Variants in ZCCHC2 observed in about 807,000 individuals in gnomAD.
ZCCHC2 encodes the protein zinc finger CCHC-type containing 2.
ZCCHC2 carries 39 observed loss-of-function variants against 103.6 expected under a neutral mutation model. The ratio of observed to expected loss-of-function variants is 0.38; its 90% CI spans 0.29 to 0.49. The LOEUF is 0.49. Ranked by LOEUF, ZCCHC2 falls within the 20% of genes least tolerant of loss-of-function variation. ZCCHC2 has a pLI of 0.96. For synonymous variants in ZCCHC2, 687 were observed against 608.9 expected (o/e 1.13, Z -1.89); for missense variants, 1,483 against 1,491.0 (o/e 0.99, Z 0.09).
At chr18:62,570,267 C>G (rs758344606) in intron 12 of ZCCHC2, 36 bp downstream of exon 12, 1 of 1,603,884 alleles carries the variant, frequency 6.2e-7, no homozygotes, top group Admixed American at 1.7e-5. Flanking sequence ...GTTGGCATGG[C>G]AGGGGTGGGG....
chr18:62,542,775 A>G lies in ZCCHC2; in HGVS notation c.1128+201A>G, dbSNP rs148097869. ...ACATCACATTAAAATAACCCTGGCT[A>G]TTTTATTAAAAAGAAGTAAGAGCCT... On this transcript the variant is annotated intron_variant, in intron 3 of 13. Coordinates refer to ENST00000269499, the MANE Select transcript of ZCCHC2 (RefSeq NM_017742.6). Among the ~76,000 whole-genome samples, 132 of 152,318 alleles carry G rather than the reference A, an allele frequency of 8.7e-4. 1 individual carries two copies. The highest frequency in any genetic ancestry group is 3.0e-3 in the African/African-American group (126 of 41,576).
chr18:62,576,820 G>C lies in ZCCHC2; in HGVS notation c.*241G>C. ...ATGATACATGTAATTTAAACCTTCA[G>C]ACAAACTTAAATGTTGGTGCGTGCT... On this transcript the variant is annotated 3_prime_UTR_variant, in exon 14 of 14. Transcript: ENST00000269499. The C allele has an allele frequency of 3.0e-6, 1 of 337,046 alleles. No homozygotes were observed. The highest frequency in any genetic ancestry group is 5.4e-6 in the Non-Finnish European group (1 of 185,322). The allele number at this position is 337,046 out of a possible 1,614,324, so 20.9% of individuals were successfully genotyped here. A position where few individuals can be genotyped will look rare whatever the true frequency, so the allele number is the denominator to read the frequency against.
At chr18:62,524,653 G>C in intron 1 of ZCCHC2, 1 of 413,280 alleles carries the variant, frequency 2.4e-6, no homozygotes, top group Non-Finnish European at 4.2e-6. Flanking sequence ...GGAGCTCCCC[G>C]CCCGGGGCCC....
In ZCCHC2 at chr18:62,575,287, A is replaced by G. The variant is rs757764197; in HGVS notation, c.3206A>G (p.Asn1069Ser). The change falls in exon 13 of 14, where the codon AAC becomes AGC. Residue 1069 changes from asparagine to serine, a missense_variant. Asn to Ser is a conservative substitution (Grantham distance 46). Coordinates refer to ENST00000269499, the MANE Select transcript of ZCCHC2 (RefSeq NM_017742.6). ...AACCAAGCACATCAGAGCAATGGAA[A>G]CCAACTTCCTTTTTTTCTGCCTCAG... Reference protein sequence around the residue: ...YLNQAHQSNGNQLPFFLPQTP... With the variant: ...YLNQAHQSNGSQLPFFLPQTP... 2.5e-6 allele frequency: 4 copies of G among 1,614,008 alleles called. No homozygotes were observed. In the South Asian group the frequency reaches 4.4e-5, roughly 18 times the overall value.
rs1916749984 is a variant in ZCCHC2, at chr18:62,574,816, C to G, written c.2735C>G (p.Pro912Arg). Residue 912 changes from proline to arginine, a missense_variant, in exon 13 of 14, where the codon CCA (proline) becomes CGA (arginine). Transcript: ENST00000269499. ...GCAGCTGGCCTCTCAGCTGCTCAGC[C>G]ACCAGCTTCCTACCCCTTACCAGGC... ...LPAAGLSAAQ[P>R]PASYPLPGSP... 6.2e-7 allele frequency: 1 copy of G among 1,613,838 alleles called. No homozygotes were observed. Among genetic ancestry groups the G allele is most frequent in the African/African-American group, 1.3e-5 (1 of 74,896 alleles).
At chr18:62,539,512 C>T in intron 1 of ZCCHC2, 169 bp from the exon 2 acceptor site, 1 of 517,776 alleles carries the variant, frequency 1.9e-6, no homozygotes, top group South Asian at 2.2e-5. Flanking sequence ...TGCTCATCTT[C>T]TGCTTGCGGC....
Position 62,575,345 on chromosome 18 carries a change from A to G in ZCCHC2, c.3264A>G (p.Pro1088=). Residue 1088 remains proline, a synonymous_variant, in exon 13 of 14, where the codon CCA becomes CCG. Transcript: ENST00000269499. The part of the protein sequence containing the change: ...TPYANGLVHD[P]VMGSQANYGM... ...ATGCAAATGGACTGGTACATGACCCAGTCATGGGGAGCCAAGCCAACTATG... is the reference window on the plus strand; with the variant it reads ...ATGCAAATGGACTGGTACATGACCCGGTCATGGGGAGCCAAGCCAACTATG... 2 of 1,613,992 alleles carry G rather than the reference A, an allele frequency of 1.2e-6. No individual in the cohort carries two copies. The highest frequency in any genetic ancestry group is 1.7e-6 in the Non-Finnish European group (2 of 1,179,872).
At chr18:62,566,504 T>G (rs1460171066) in intron 11 of ZCCHC2, among the ~76,000 whole-genome samples, 1 of 152,208 alleles carries the variant, frequency 6.6e-6, no homozygotes, top group Non-Finnish European at 1.5e-5. Context: ...CTGTTCCTTC[T>G]CTTTCTAGTT....
Position 62,523,355 on chromosome 18 carries a change from C to CG in ZCCHC2, c.-68dup. ...GCTCCTGACGGCCGCGCCGCCGCCT[C>CG]GGCCCGTGCTCCACCTCGCGGCCCC... On this transcript the variant is annotated 5_prime_UTR_variant, in exon 1 of 14. Transcript: ENST00000269499. 1.0e-6 allele frequency: 1 copy of CG among 996,980 alleles called. No homozygotes were observed. The highest frequency in any genetic ancestry group is 1.2e-6 in the Non-Finnish European group (1 of 838,632). The allele number at this position is 996,980 out of a possible 1,614,324, so 61.8% of individuals were successfully genotyped here. A position where few individuals can be genotyped will look rare whatever the true frequency, so the allele number is the denominator to read the frequency against.
chr18:62,578,908 C>T (rs1222100915), downstream of ZCCHC2, among the ~76,000 whole-genome samples: 4 of 152,114 alleles, frequency 2.6e-5, no homozygotes, highest in African/African-American at 9.7e-5. Flanking sequence ...GCTGGGATTA[C>T]AGGTATGTAC....
At position 62,575,291 on chromosome 18, in the gene ZCCHC2, A is replaced by C; in HGVS notation, c.3210A>C (p.Gln1070His). ...AAGCACATCAGAGCAATGGAAACCAACTTCCTTTTTTTCTGCCTCAGACTC... is the reference window on the plus strand; with the variant it reads ...AAGCACATCAGAGCAATGGAAACCACCTTCCTTTTTTTCTGCCTCAGACTC... ...LNQAHQSNGN[Q>H]LPFFLPQTPY... Residue 1070 changes from glutamine to histidine, a missense_variant, in exon 13 of 14, where the codon CAA becomes CAC. Around this residue, in one of 3 missense-constraint regions of ZCCHC2, gnomAD observed 884 missense variants for 907.5 expected, o/e 0.97. Transcript: ENST00000269499. The C allele has an allele frequency of 1.2e-6, 2 of 1,613,910 alleles. No individual in the cohort carries two copies. The highest frequency in any genetic ancestry group is 1.7e-6 in the Non-Finnish European group (2 of 1,179,862).
rs1481391426 is a variant in ZCCHC2 at position 62,575,468 on chromosome 18, G to A, written c.3387G>A (p.Gly1129=). 1.2e-5 allele frequency: 20 copies of A among 1,614,004 alleles called. No homozygotes were observed. Among genetic ancestry groups the A allele is most frequent in the Non-Finnish European group, 1.7e-5 (20 of 1,179,892 alleles). ...NTSGSGPKKN[G]NVSCYNCGVS... The stretch of plus-strand genomic sequence containing the variant: ...GTGGTTCGGGGCCCAAGAAGAATGG[G>A]AATGTCTCATGTTACAATTGTGGTG... Residue 1129 remains glycine (G), a synonymous_variant, in exon 13 of 14, where the codon GGG becomes GGA. Transcript: ENST00000269499.
At position 62,563,118 on chromosome 18, in the gene ZCCHC2, G is replaced by A. The variant is rs1423349241; in HGVS notation, c.1660G>A (p.Glu554Lys). 3 of 1,613,676 alleles carry A rather than the reference G, an allele frequency of 1.9e-6. No homozygotes were observed. The highest frequency in any genetic ancestry group is 2.5e-6 in the Non-Finnish European group (3 of 1,179,726). The part of the protein sequence containing the change: ...KQSCTTIQHP[E>K]HCVTSADQHS... ...AAGCTGTACCACCATTCAACACCCA[G>A]AGCACTGTGTGACCTCGGCTGACCA... The change falls in exon 9 of 14, where the codon GAG (glutamate) becomes AAG (lysine). Residue 554 changes from glutamate (E) to lysine (K), a missense_variant. By Grantham distance (56) the Glu-to-Lys change is moderately conservative (BLOSUM62 1). This residue lies in a region of ZCCHC2 where 884 missense variants were observed against 907.5 expected (regional missense o/e 0.97). Transcript: ENST00000269499.
intron 1 of ZCCHC2, among the ~76,000 whole-genome samples, chr18:62,537,749 GATTAT>G (rs1251694595): frequency 6.6e-6 from 1 of 152,214 alleles, no homozygotes; most frequent in Non-Finnish European, 1.5e-5. Context: ...CTGATGTACA[GATTAT>G]GTTTGCATTT....
intron 4 of ZCCHC2, among the ~76,000 whole-genome samples, chr18:62,545,585 T>G (rs1399049717): frequency 6.6e-6 from 1 of 152,180 alleles, no homozygotes; most frequent in Non-Finnish European, 1.5e-5. Flanking sequence ...TAATCTGATT[T>G]TATCGAAAAG....
intron 4 of ZCCHC2, among the ~76,000 whole-genome samples, chr18:62,545,684 T>G (rs1915379999): frequency 6.6e-6 from 1 of 152,152 alleles, no homozygotes; most frequent in Non-Finnish European, 1.5e-5. Flanking sequence ...ATTTTAAAAT[T>G]TATTGTTAGT....
intron 5 of ZCCHC2, chr18:62,551,101 G>A (rs6567288): frequency 0.62 from 94,233 of 152,106 alleles, 30,428 homozygotes; most frequent in African/African-American, 0.78. Flanking sequence ...TACTTGTTTC[G>A]TGATGGGAAG....
intron 5 of ZCCHC2, among the ~76,000 whole-genome samples, chr18:62,554,891 G>A (rs539255870): frequency 6.6e-6 from 1 of 152,264 alleles, no homozygotes; most frequent in African/African-American, 2.4e-5. Flanking sequence ...AAGCAATTTT[G>A]CATGATATAC....
At chr18:62,556,781 C>T (rs563589906) in intron 6 of ZCCHC2, among the ~76,000 whole-genome samples, 98 of 152,328 alleles carry the variant, frequency 6.4e-4, no homozygotes, top group South Asian at 2.1e-3. Flanking sequence ...TCGTCACCAT[C>T]CCTTTGTTTA....
Sources: gnomAD v4.1 joint callset for allele counts (sites outside exome capture counted in the v4.1 genomes callset) on GRCh38, gnomAD v4.1.1 for gene constraint, gnomAD v4.1.1 regional missense constraint, MANE v1.5 for transcripts, NCBI Gene and HGNC (gene_info 2026-07-23, HGNC 2026-07-21) for gene names.